The following KCNC1 variants were observed in gnomAD, a reference collection of about 807,000 sequenced individuals.
KCNC1 encodes the protein voltage-gated potassium channel KCNC1.
KCNC1 carries 8 observed loss-of-function variants against 43.4 expected under a neutral mutation model. The observed-to-expected ratio is 0.18, with a 90% CI of 0.11 to 0.33. The LOEUF (loss-of-function observed/expected upper bound fraction) is 0.33, where lower values mean the gene tolerates loss of function less well. Ranked by LOEUF, KCNC1 falls within the 10% of genes least tolerant of loss-of-function variation. The pLI, the probability that KCNC1 is intolerant of heterozygous loss-of-function variation, is 1.00. For synonymous variants in KCNC1, 361 were observed against 360.5 expected, an observed-to-expected ratio of 1.00 and a Z score of -0.01; for missense variants, 420 against 836.0, an observed-to-expected ratio of 0.50 and a Z score of 6.14.
At chr11:17,752,087 G>T (rs915958506) in intron 1 of KCNC1, among the ~76,000 whole-genome samples, 10 of 152,288 alleles carry the variant, frequency 6.6e-5, no homozygotes, top group South Asian at 6.2e-4. Context: ...TGTTAGCCAT[G>T]AACTCCAAGG....
intron 1 of KCNC1, among the ~76,000 whole-genome samples, chr11:17,743,408 A>C (rs1254675480): frequency 6.6e-6 from 1 of 151,962 alleles, no homozygotes. Flanking sequence ...TTTCCCAACA[A>C]CCTGTCCAGA....
At chr11:17,737,098 G>T (rs1848776756) in intron 1 of KCNC1, among the ~76,000 whole-genome samples, 1 of 152,140 alleles carries the variant, frequency 6.6e-6, no homozygotes, top group African/African-American at 2.4e-5. Context: ...CTGCTGGGCA[G>T]CTTGAGACAG....
chr11:17,774,570 T>A (rs1332339278), intron 2 of KCNC1: 5 of 985,504 alleles, frequency 5.1e-6, no homozygotes, highest in Non-Finnish European at 6.0e-6. Context: ...CACCAGCTAA[T>A]CCCAGGACAC....
Position 17,776,031 on chromosome 11 carries a change from G to C in KCNC1, c.1505-3425G>C. ...CTGACTAGGCGGCGGGTGGGGCTAA[G>C]AGAGTTTCTGCAGGGACCCAGCTGC... On this transcript the variant is annotated intron_variant, in intron 2 of 3. Transcript: ENST00000265969. This position sits in a 1 kb window ranked among gnomAD's most constrained non-coding sequence, Gnocchi z 4.4. The C allele has an allele frequency of 1.3e-5, 13 of 985,476 alleles. No individual in the cohort carries two copies. Among genetic ancestry groups the C allele is most frequent in the Non-Finnish European group, 1.6e-5 (13 of 829,992 alleles). The allele number at this position is 985,476 out of a possible 1,614,324, so 61.0% of individuals were successfully genotyped here.
At position 17,779,316 on chromosome 11, in the gene KCNC1, C is replaced by T. The variant is rs925954790; in HGVS notation, c.1505-140C>T. ...CAAGCCCCCTGCCTTGTGCCCTCCT[C>T]GCTCCACAGCCTGCCCGCTTTTCCG... On this transcript the variant is annotated intron_variant, in intron 2 of 3. Coordinates refer to ENST00000265969, the MANE Select transcript of KCNC1 (RefSeq NM_001112741.2). This position sits in a 1 kb window ranked among gnomAD's most constrained non-coding sequence, Gnocchi z 7.2. 7.4e-6 allele frequency: 5 copies of T among 671,300 alleles called. No homozygotes were observed. In the East Asian group the frequency reaches 8.8e-5, roughly 12 times the overall value. The allele number at this position is 671,300 out of a possible 1,614,324, so 41.6% of individuals were successfully genotyped here.
At chr11:17,765,467 T>G (rs1348604179) in intron 1 of KCNC1, among the ~76,000 whole-genome samples, 3 of 152,176 alleles carry the variant, frequency 2.0e-5, no homozygotes, top group Admixed American at 6.5e-5. Flanking sequence ...TATAAAACAT[T>G]TTCTTAAGTC....
At chr11:17,746,086 G>A (rs1477737767) in intron 1 of KCNC1, among the ~76,000 whole-genome samples, 1 of 152,188 alleles carries the variant, frequency 6.6e-6, no homozygotes, top group Non-Finnish European at 1.5e-5. Context: ...AGGGTTCAAG[G>A]CCGAGGGCAG....
At chr11:17,737,301 G>C (rs1346040523) in intron 1 of KCNC1, among the ~76,000 whole-genome samples, 1 of 152,144 alleles carries the variant, frequency 6.6e-6, no homozygotes, top group Admixed American at 6.5e-5. Flanking sequence ...TGTTGGAGTG[G>C]GTCACTGGGC....
intron 1 of KCNC1, among the ~76,000 whole-genome samples, chr11:17,763,886 C>T (rs115904737): frequency 8.8e-6 from 1 of 113,608 alleles, no homozygotes; most frequent in Admixed American, 9.8e-5. Context: ...CATGTACACA[C>T]CCACACCCAC....
intron 1 of KCNC1, among the ~76,000 whole-genome samples, chr11:17,750,678 A>G (rs747163571): frequency 1.2e-4 from 19 of 152,098 alleles, no homozygotes; most frequent in African/African-American, 4.1e-4. Context: ...TCCATTCCCA[A>G]CGTGCTCCGG....
At chr11:17,774,583 A>G in intron 2 of KCNC1, 1 of 985,530 alleles carries the variant, frequency 1.0e-6, no homozygotes. Context: ...CAGGACACAA[A>G]ACCTGTAAAA....
At chr11:17,741,288 C>G (rs1314772008) in intron 1 of KCNC1, among the ~76,000 whole-genome samples, 1 of 150,592 alleles carries the variant, frequency 6.6e-6, no homozygotes, top group African/African-American at 2.4e-5. Context: ...AGCCCCTTCA[C>G]CGCTAAATGG....
At chr11:17,751,488 A>C (rs1298363879) in intron 1 of KCNC1, among the ~76,000 whole-genome samples, 1 of 152,198 alleles carries the variant, frequency 6.6e-6, no homozygotes, top group Non-Finnish European at 1.5e-5. Context: ...CAGGATGAAC[A>C]CATCCTGGAC....
intron 1 of KCNC1, among the ~76,000 whole-genome samples, chr11:17,750,952 G>A (rs925816795): frequency 2.0e-5 from 3 of 152,214 alleles, no homozygotes; most frequent in Admixed American, 2.0e-4. Flanking sequence ...ACCTCTTGGA[G>A]GACAAGGGTC....
chr11:17,777,545 C>T lies in KCNC1; in HGVS notation c.1505-1911C>T. 1.0e-6 allele frequency: 1 copy of T among 985,978 alleles called. No homozygotes were observed. Among genetic ancestry groups the T allele is most frequent in the Non-Finnish European group, 1.2e-6 (1 of 830,012 alleles). 61.1% of individuals were successfully genotyped at this position (985,978 alleles called of 1,614,324 possible). ...AGACTGGGCCAGCCAGAGTGGGAGG[C>T]AGGACCAGCGTGTCTGCGAGCACAC... is the stretch of plus-strand genomic sequence containing the variant. On this transcript the variant is annotated intron_variant, in intron 2 of 3. Transcript: ENST00000265969. This position sits in a 1 kb window ranked among gnomAD's most constrained non-coding sequence, Gnocchi z 4.3.
intron 1 of KCNC1, among the ~76,000 whole-genome samples, chr11:17,769,486 A>G (rs1480338711): frequency 6.6e-6 from 1 of 152,056 alleles, no homozygotes; most frequent in African/African-American, 2.4e-5. Flanking sequence ...ATTAAAAAGG[A>G]TGAATGGATG....
chr11:17,746,502 T>C (rs1214117888), intron 1 of KCNC1, among the ~76,000 whole-genome samples: 1 of 152,120 alleles, frequency 6.6e-6, no homozygotes, highest in Non-Finnish European at 1.5e-5. Context: ...GCTCTTTTCC[T>C]ACCTCTCCTT....
At chr11:17,752,548 A>G (rs535145372) in intron 1 of KCNC1, among the ~76,000 whole-genome samples, 4 of 152,350 alleles carry the variant, frequency 2.6e-5, no homozygotes, top group South Asian at 4.1e-4. Context: ...TTGCACACAC[A>G]TGAATGCATA....
rs1239094556 is a variant in KCNC1 at position 17,776,645 on chromosome 11, C to T, written c.1505-2811C>T. The T allele has an allele frequency of 1.0e-6, 1 of 985,274 alleles. No individual in the cohort carries two copies. Among genetic ancestry groups the T allele is most frequent in the East Asian group, 1.1e-4 (1 of 8,790 alleles). 61.0% of individuals were successfully genotyped at this position (985,274 alleles called of 1,614,324 possible). A position where few individuals can be genotyped will look rare whatever the true frequency, so the allele number is the denominator to read the frequency against. On this transcript the variant is annotated intron_variant, in intron 2 of 3. Coordinates refer to ENST00000265969, the MANE Select transcript of KCNC1 (RefSeq NM_001112741.2). The surrounding 1 kb of genome is among the most constrained non-coding windows in gnomAD (Gnocchi z 4.4). ...TGCAGGCCTGTGGGTCTAGTGGGGG[C>T]CTGGGGGCCCTGGGCTGGGGGAGGC... is the stretch of plus-strand genomic sequence containing the variant.
Sources: gnomAD v4.1 joint callset for allele counts (sites outside exome capture counted in the v4.1 genomes callset) on GRCh38, gnomAD v4.1.1 for gene constraint, Gnocchi (gnomAD v3.1) non-coding constraint, MANE v1.5 for transcripts, NCBI Gene and HGNC (gene_info 2026-07-23, HGNC 2026-07-21) for gene names.